KLF12: variants seen among roughly 807,000 people sequenced by gnomAD.
The protein encoded by KLF12 is KLF transcription factor 12.
KLF12 carries 9 observed loss-of-function variants against 37.8 expected under a neutral mutation model. That is an observed-to-expected ratio of 0.24 (90% CI 0.14 to 0.42). The LOEUF (loss-of-function observed/expected upper bound fraction) is 0.42, where lower values mean the gene tolerates loss of function less well. KLF12 is among the 10% of genes least tolerant of loss of function. KLF12 has a pLI of 1.00. For synonymous variants in KLF12, 208 were observed against 202.1 expected (o/e 1.03, Z -0.25); for missense variants, 411 against 516.0 (o/e 0.80, Z 1.97).
chr13:73,990,592 A>C (rs1891941461), intron 2 of KLF12, among the ~76,000 whole-genome samples: 1 of 152,204 alleles, frequency 6.6e-6, no homozygotes, highest in Non-Finnish European at 1.5e-5. Flanking sequence ...AAGAGGAAAA[A>C]GGGAGTCAGG....
intron 2 of KLF12, among the ~76,000 whole-genome samples, chr13:73,979,397 AC>A (rs1891632146): frequency 5.3e-5 from 8 of 151,714 alleles, no homozygotes; most frequent in African/African-American, 1.9e-4. Flanking sequence ...ACACACACAC[AC>A]AAATCATGGA....
chr13:74,239,898 A>T, the KLF12 span, among the ~76,000 whole-genome samples: 9 of 151,316 alleles, frequency 5.9e-5, no homozygotes, highest in Non-Finnish European at 1.2e-4. Flanking sequence ...TCTTTATCCA[A>T]TTTGCCAGTC....
intron 4 of KLF12, among the ~76,000 whole-genome samples, chr13:73,843,030 A>T (rs999999905): frequency 6.6e-6 from 1 of 152,206 alleles, no homozygotes; most frequent in Non-Finnish European, 1.5e-5. Context: ...AACTAATAAA[A>T]ATAGAAAATA....
At chr13:74,100,477 G>T (rs1876266687) in intron 1 of KLF12, among the ~76,000 whole-genome samples, 1 of 152,110 alleles carries the variant, frequency 6.6e-6, no homozygotes, top group African/African-American at 2.4e-5. Flanking sequence ...AATCAGCTAG[G>T]TGTGGTGGCA....
chr13:73,940,689 TAA>T (rs1355573615), intron 3 of KLF12, among the ~76,000 whole-genome samples: 1 of 152,226 alleles, frequency 6.6e-6, no homozygotes, highest in Admixed American at 6.5e-5. Flanking sequence ...CCAGAAACTA[TAA>T]GAGATACAAA....
chr13:74,242,623 C>T, the KLF12 span, among the ~76,000 whole-genome samples: 7 of 152,140 alleles, frequency 4.6e-5, no homozygotes, highest in South Asian at 2.1e-4. Context: ...TTATATGAGA[C>T]GTAACAAAGT....
At chr13:73,887,150 G>A (rs1457686095) in intron 3 of KLF12, among the ~76,000 whole-genome samples, 1 of 152,152 alleles carries the variant, frequency 6.6e-6, no homozygotes, top group Non-Finnish European at 1.5e-5. Context: ...GGTGATACAT[G>A]TGCTACTGAA....
chr13:74,156,818 A>G, the KLF12 span, among the ~76,000 whole-genome samples: 33 of 152,214 alleles, frequency 2.2e-4, no homozygotes, highest in Admixed American at 1.5e-3. Flanking sequence ...TCTTTTTTCA[A>G]TATGACTGAA....
chr13:74,020,303 A>T (rs762249825), intron 1 of KLF12, among the ~76,000 whole-genome samples: 3 of 152,188 alleles, frequency 2.0e-5, no homozygotes, highest in Non-Finnish European at 4.4e-5. Context: ...ACTCTATTCA[A>T]CCTATCACAG....
the KLF12 span, among the ~76,000 whole-genome samples, chr13:74,192,128 A>G: frequency 6.6e-6 from 1 of 152,122 alleles, no homozygotes; most frequent in South Asian, 2.1e-4. Flanking sequence ...CCCAGAGAGC[A>G]GAAGAACCAA....
intron 6 of KLF12, among the ~76,000 whole-genome samples, chr13:73,755,617 C>CT (rs547052225): frequency 0.02 from 2,693 of 133,166 alleles, 75 homozygotes; most frequent in African/African-American, 0.075. Flanking sequence ...AGCACTTTCT[C>CT]TCTTTTTTTT....
At chr13:74,289,703 A>C in the KLF12 span, among the ~76,000 whole-genome samples, 1 of 152,202 alleles carries the variant, frequency 6.6e-6, no homozygotes, top group South Asian at 2.1e-4. Flanking sequence ...AGGATTCAAA[A>C]TTTTACATTC....
At chr13:73,983,544 G>A (rs1230379780) in intron 2 of KLF12, among the ~76,000 whole-genome samples, 1 of 152,110 alleles carries the variant, frequency 6.6e-6, no homozygotes, top group Non-Finnish European at 1.5e-5. Context: ...TTCATATTCT[G>A]CATACAAACT....
chr13:74,027,669 G>A (rs1015792655), intron 1 of KLF12, among the ~76,000 whole-genome samples: 1 of 152,174 alleles, frequency 6.6e-6, no homozygotes, highest in African/African-American at 2.4e-5. Context: ...ATACTTAAGA[G>A]TTTAAAGTAG....
chr13:73,821,687 G>A (rs1296412726), intron 4 of KLF12, among the ~76,000 whole-genome samples: 1 of 152,030 alleles, frequency 6.6e-6, no homozygotes, highest in African/African-American at 2.4e-5. Context: ...TTTTCCCACT[G>A]TCTACCGAAT....
intron 3 of KLF12, among the ~76,000 whole-genome samples, chr13:73,884,545 G>C: frequency 6.6e-6 from 1 of 152,256 alleles, no homozygotes; most frequent in East Asian, 1.9e-4. Flanking sequence ...AGAATGAGGA[G>C]TCTGTCAGGA....
intron 2 of KLF12, among the ~76,000 whole-genome samples, chr13:73,991,543 C>T (rs920295496): frequency 2.6e-5 from 4 of 152,152 alleles, no homozygotes; most frequent in Admixed American, 2.0e-4. Flanking sequence ...TTTTTTCACA[C>T]CCATAGCAAC....
intron 3 of KLF12, among the ~76,000 whole-genome samples, chr13:73,937,305 T>G (rs1183052346): frequency 5.9e-5 from 9 of 152,198 alleles, no homozygotes. Flanking sequence ...CGCTTGATGG[T>G]CCAGATTTTT....
chr13:73,818,120 T>C (rs1883331741), intron 4 of KLF12, among the ~76,000 whole-genome samples: 1 of 152,010 alleles, frequency 6.6e-6, no homozygotes, highest in Non-Finnish European at 1.5e-5. Context: ...AGGGGCCATT[T>C]AGTTATGATG....
Sources: allele counts gnomAD v4.1 joint callset (sites outside exome capture counted in the v4.1 genomes callset), GRCh38; gene constraint gnomAD v4.1.1; transcripts MANE v1.5; gene names NCBI Gene and HGNC (gene_info 2026-07-23, HGNC 2026-07-21).